Variants in TOX3 observed in about 807,000 individuals in gnomAD.
The protein encoded by TOX3 is TOX high mobility group box family member 3, also known as CAG trinucleotide repeat-containing gene F9 protein.
Under a neutral mutation model 64.3 loss-of-function variants are expected in TOX3, and 22 were observed. The observed-to-expected ratio is 0.34, with a 90% CI of 0.24 to 0.49. The LOEUF is 0.49. Ranked by LOEUF, TOX3 falls within the 20% of genes least tolerant of loss-of-function variation. The probability of loss-of-function intolerance (pLI) is 0.99; values close to 1 mark genes in which losing one functional copy is unlikely to be tolerated. For synonymous variants in TOX3, 291 were observed against 273.6 expected, an observed-to-expected ratio of 1.06 and a Z score of -0.63; for missense variants, 661 against 714.4, an observed-to-expected ratio of 0.93 and a Z score of 0.85.
intron 1 of TOX3, among the ~76,000 whole-genome samples, chr16:52,535,189 C>A (rs578066399): frequency 7.9e-5 from 12 of 152,160 alleles, no homozygotes; most frequent in Non-Finnish European, 1.5e-4. Flanking sequence ...CCTCACCCAT[C>A]GCTCACTCAC....
intron 1 of TOX3, among the ~76,000 whole-genome samples, chr16:52,545,365 A>C (rs1197279870): frequency 6.6e-6 from 1 of 152,226 alleles, no homozygotes; most frequent in Non-Finnish European, 1.5e-5. Context: ...CGCGAGGGCG[A>C]GCAAGAGAGA....
At chr16:52,450,816 G>A (rs1224405743) in intron 3 of TOX3, among the ~76,000 whole-genome samples, 1 of 48,068 alleles carries the variant, frequency 2.1e-5, no homozygotes. Flanking sequence ...AAGGAAGGAA[G>A]GAAGGAAGGA....
At position 52,463,809 on chromosome 16, in the gene TOX3, A is replaced by C. The variant is rs1201690689; in HGVS notation, c.408+125T>G. 8 of 1,202,032 alleles carry C rather than the reference A, an allele frequency of 6.7e-6. No homozygotes were observed. In the African/African-American group the frequency reaches 1.1e-4, roughly 17 times the overall value. The allele number at this position is 1,202,032 out of a possible 1,614,324, so 74.5% of individuals were successfully genotyped here. Reference sequence around the variant, plus strand: ...AGGCAGCGATCCAGTACCTGCATGTAAATAGCACTAGAATCAATCCACTAG... The same window carrying C: ...AGGCAGCGATCCAGTACCTGCATGTCAATAGCACTAGAATCAATCCACTAG... On this transcript the variant is annotated intron_variant, in intron 3 of 6. Transcript: ENST00000219746.
intron 1 of TOX3, among the ~76,000 whole-genome samples, chr16:52,521,810 T>TCAGAAA (rs1267575296): frequency 1.3e-5 from 2 of 152,154 alleles, no homozygotes; most frequent in African/African-American, 4.8e-5. Context: ...AATCAGAAAC[T>TCAGAAA]CTGGGTGTGG....
chr16:52,478,465 C>T (rs1961280795), intron 1 of TOX3, among the ~76,000 whole-genome samples: 1 of 152,352 alleles, frequency 6.6e-6, no homozygotes, highest in Non-Finnish European at 1.5e-5. Context: ...TTGTCTCTTG[C>T]CCATTCTCTT....
At position 52,536,627 on chromosome 16, in the gene TOX3, CTATATATATATATATATATATATATA is replaced by C. The variant is rs57164139; in HGVS notation, c.87+9984_87+10009del. Among the ~76,000 whole-genome samples the C allele has an allele frequency of 5.5e-3, 187 of 34,260 alleles. 5 individuals are homozygous for C. The highest frequency in any genetic ancestry group is 0.014 in the South Asian group (8 of 584). 22.5% of individuals were successfully genotyped at this position (34,260 alleles called of 152,430 possible). On this transcript the variant is annotated intron_variant, in intron 1 of 6. Coordinates refer to ENST00000219746, the MANE Select transcript of TOX3 (RefSeq NM_001080430.4). ...TCTTTTCTACTGAAATAGATATACA[CTATATATATATATATATATATATATA>C]TATATATATATATATATATATATAC...
intron 1 of TOX3, among the ~76,000 whole-genome samples, chr16:52,524,099 T>C (rs73588827): frequency 0.047 from 7,218 of 152,260 alleles, 400 homozygotes; most frequent in East Asian, 0.16. Context: ...TTTTATGGAG[T>C]ATAGAGCTGT....
chr16:52,449,040 T>G (rs112211546), intron 4 of TOX3, among the ~76,000 whole-genome samples: 1,784 of 152,308 alleles, frequency 0.012, 19 homozygotes, highest in Non-Finnish European at 0.015. Flanking sequence ...TGATTTTCAC[T>G]CCTAAAATGC....
At chr16:52,534,428 A>G (rs1190325274) in intron 1 of TOX3, among the ~76,000 whole-genome samples, 1 of 152,142 alleles carries the variant, frequency 6.6e-6, no homozygotes, top group East Asian at 1.9e-4. Flanking sequence ...ACTTGAGGCC[A>G]GGAGTTCAAG....
intron 1 of TOX3, among the ~76,000 whole-genome samples, chr16:52,481,278 C>A (rs981924745): frequency 6.6e-6 from 1 of 152,158 alleles, no homozygotes; most frequent in Non-Finnish European, 1.5e-5. Flanking sequence ...CTAGTAGGTT[C>A]TCAGCAATGA....
At chr16:52,490,262 C>T (rs1961643289) in intron 1 of TOX3, among the ~76,000 whole-genome samples, 1 of 152,108 alleles carries the variant, frequency 6.6e-6, no homozygotes, top group African/African-American at 2.4e-5. Context: ...TCCTTGCTTC[C>T]CTTCCGCCTT....
At chr16:52,469,934 C>T (rs1960991994) in intron 1 of TOX3, among the ~76,000 whole-genome samples, 1 of 152,190 alleles carries the variant, frequency 6.6e-6, no homozygotes, top group Non-Finnish European at 1.5e-5. Flanking sequence ...TATCCCACAA[C>T]AGCCAACACA....
At chr16:52,501,568 G>T (rs894440260) in intron 1 of TOX3, among the ~76,000 whole-genome samples, 2 of 151,888 alleles carry the variant, frequency 1.3e-5, no homozygotes, top group Non-Finnish European at 2.9e-5. Flanking sequence ...GCTGAAGCAG[G>T]AGAATCGCTT....
chr16:52,542,729 T>C (rs572731801), intron 1 of TOX3, among the ~76,000 whole-genome samples: 5 of 152,308 alleles, frequency 3.3e-5, no homozygotes, highest in Non-Finnish European at 5.9e-5. Context: ...TTCAATATCT[T>C]ACGTGAAGAC....
At chr16:52,478,434 A>C (rs1961279453) in intron 1 of TOX3, among the ~76,000 whole-genome samples, 1 of 152,140 alleles carries the variant, frequency 6.6e-6, no homozygotes, top group African/African-American at 2.4e-5. Context: ...GCTTAGCTAA[A>C]AGGACCTCCA....
rs913647404 is a variant in TOX3, at chr16:52,445,864, C to A, written c.906+130G>T. 46 of 861,432 alleles carry A rather than the reference C, an allele frequency of 5.3e-5. No homozygotes were observed. The African/African-American group carries it at 7.3e-4, about 14-fold the overall frequency. The allele number at this position is 861,432 out of a possible 1,614,324, so 53.4% of individuals were successfully genotyped here. A position where few individuals can be genotyped will look rare whatever the true frequency, so the allele number is the denominator to read the frequency against. On this transcript the variant is annotated intron_variant, in intron 5 of 6. Coordinates refer to ENST00000219746, the MANE Select transcript of TOX3 (RefSeq NM_001080430.4). ...ATTTATATGTCTGGGTTTTTAAATTCCATTGCTTAGAAAAGGATTTCAAAA... is the reference window on the plus strand; with the variant it reads ...ATTTATATGTCTGGGTTTTTAAATTACATTGCTTAGAAAAGGATTTCAAAA...
chr16:52,538,108 T>C (rs1318542791), intron 1 of TOX3, among the ~76,000 whole-genome samples: 1 of 152,144 alleles, frequency 6.6e-6, no homozygotes, highest in African/African-American at 2.4e-5. Flanking sequence ...TTAAACATTT[T>C]TATTAGAATT....
At chr16:52,491,039 C>T (rs1347573141) in intron 1 of TOX3, among the ~76,000 whole-genome samples, 1 of 152,170 alleles carries the variant, frequency 6.6e-6, no homozygotes, top group Non-Finnish European at 1.5e-5. Context: ...ATACATGTCA[C>T]TGTCAGGGTT....
rs761679980 is a variant in TOX3 at position 52,439,759 on chromosome 16, T to C, written c.1197A>G (p.Thr399=). The C allele has an allele frequency of 1.9e-6, 3 of 1,613,968 alleles. No homozygotes were observed. The highest frequency in any genetic ancestry group is 2.2e-5 in the East Asian group (1 of 44,858). ...TMRLPMNQIV[T]SVTIAANMPS... is the part of the protein sequence containing the mutation. ...GCATGTTGGCTGCAATGGTGACTGA[T>C]GTGACAATCTGGTTCATGGGGAGTC... The change falls in exon 7 of 7, where the codon ACA becomes ACG. Residue 399 remains threonine (T), a synonymous_variant. Transcript: ENST00000219746.
Sources: gnomAD v4.1 joint callset for allele counts (sites outside exome capture counted in the v4.1 genomes callset) on GRCh38, gnomAD v4.1.1 for gene constraint, MANE v1.5 for transcripts, NCBI Gene and HGNC (gene_info 2026-07-23, HGNC 2026-07-21) for gene names.